Variants in NID2 observed in about 807,000 individuals in gnomAD.
NID2 encodes the protein nidogen-2.
In NID2, 83 loss-of-function variants were observed where a neutral mutation model predicts 145.4. The ratio of observed to expected loss-of-function variants is 0.57; its 90% CI spans 0.48 to 0.69. NID2 has a LOEUF of 0.69. NID2 is among the 30% of genes least tolerant of loss of function. The pLI is 0.00. For missense variants in NID2, 1,807 were observed against 1,765.7 expected (o/e 1.02, Z -0.42); for synonymous variants, 739 against 701.3 (o/e 1.05, Z -0.85).
intron 12 of NID2, among the ~76,000 whole-genome samples, chr14:52,021,348 A>C (rs1891396504): frequency 6.6e-6 from 1 of 152,144 alleles, no homozygotes; most frequent in African/African-American, 2.4e-5. Context: ...TGAAGCCCTA[A>C]ATTTGATGTG....
intron 2 of NID2, among the ~76,000 whole-genome samples, chr14:52,064,097 A>G (rs1245973885): frequency 1.3e-5 from 2 of 152,146 alleles, no homozygotes; most frequent in Admixed American, 1.3e-4. Flanking sequence ...CCTTGTCTCC[A>G]GAAGTCAAAA....
chr14:52,048,663 T>C (rs976372062), intron 5 of NID2, among the ~76,000 whole-genome samples: 3 of 152,170 alleles, frequency 2.0e-5, no homozygotes. Context: ...CTTCTGGCTC[T>C]AAATCCCATC....
At chr14:52,050,614 GACA>G (rs144937912) in intron 5 of NID2, among the ~76,000 whole-genome samples, 3,203 of 152,154 alleles carry the variant, frequency 0.021, 36 homozygotes, top group Middle Eastern at 0.037. Context: ...TACCCTACAG[GACA>G]ACTTTTTTTT....
intron 5 of NID2, among the ~76,000 whole-genome samples, chr14:52,044,231 C>T (rs1049353955): frequency 7.9e-5 from 12 of 151,052 alleles, no homozygotes; most frequent in Non-Finnish European, 1.2e-4. Flanking sequence ...ACACTTCAAT[C>T]GCGCTTAACA....
chr14:52,034,575 G>A (rs1891989573), intron 9 of NID2, among the ~76,000 whole-genome samples: 1 of 152,134 alleles, frequency 6.6e-6, no homozygotes, highest in African/African-American at 2.4e-5. Context: ...AGCACCTCGG[G>A]ATTCTCATTA....
In NID2 at chr14:52,020,178, T is replaced by A; in HGVS notation, c.2675A>T (p.Asp892Val). The A allele has an allele frequency of 6.2e-7, 1 of 1,613,600 alleles. No individual in the cohort carries two copies. Among genetic ancestry groups the A allele is most frequent in the Non-Finnish European group, 8.5e-7 (1 of 1,179,590 alleles). Residue 892 changes from aspartate (D) to valine (V), a missense_variant and splice_region_variant, in exon 13 of 22, where the codon GAT (aspartate) becomes GTT (valine). Physicochemically the swap from Asp to Val is radical, Grantham distance 152 (BLOSUM62 -3). Coordinates refer to ENST00000216286, the MANE Select transcript of NID2 (RefSeq NM_007361.4). The part of the protein sequence containing the change: ...GYAGDGHQCT[D>V]VDECSENRCH... ...TCTGTTTTCTGAGCATTCATCTACATCTGCAGAGGTCAGAAACAGAAGAAA... is the reference window on the plus strand; with the variant it reads ...TCTGTTTTCTGAGCATTCATCTACAACTGCAGAGGTCAGAAACAGAAGAAA...
In NID2 at chr14:52,035,323, C is replaced by T. The variant is rs1247336555; in HGVS notation, c.2257+3424G>A. Among the ~76,000 whole-genome samples the T allele has an allele frequency of 6.6e-5, 10 of 152,314 alleles. No individual in the cohort carries two copies. The South Asian group carries it at 1.9e-3, about 28-fold the overall frequency. ...GCAACCACTGATCTTTTTACTGTCTCTATAGTGTAACCTTTTCCAGAATGT... is the reference window on the plus strand; with the variant it reads ...GCAACCACTGATCTTTTTACTGTCTTTATAGTGTAACCTTTTCCAGAATGT... On this transcript the variant is annotated intron_variant, in intron 9 of 21. Transcript: ENST00000216286.
At chr14:52,007,604 G>C in intron 19 of NID2, 1 of 564,132 alleles carries the variant, frequency 1.8e-6, no homozygotes, top group Middle Eastern at 4.8e-4. Flanking sequence ...CAAACTTACT[G>C]CTTGATATAT....
chr14:52,013,402 C>T (rs184537048), intron 16 of NID2, among the ~76,000 whole-genome samples: 3 of 152,288 alleles, frequency 2.0e-5, no homozygotes, highest in Admixed American at 6.5e-5. Flanking sequence ...CCAACAAACT[C>T]GAATCTTAAA....
intron 9 of NID2, among the ~76,000 whole-genome samples, chr14:52,032,243 A>G: frequency 6.6e-6 from 1 of 152,242 alleles, no homozygotes; most frequent in Non-Finnish European, 1.5e-5. Context: ...TTGGCTGAAA[A>G]TAAGGAGGGC....
chr14:52,035,653 G>A (rs1188809965), intron 9 of NID2, among the ~76,000 whole-genome samples: 1 of 150,894 alleles, frequency 6.6e-6, no homozygotes, highest in East Asian at 2.0e-4. Flanking sequence ...TGGTTTTAGA[G>A]TTTTGTTTCT....
At chr14:52,057,721 A>G (rs113863882) in intron 3 of NID2, among the ~76,000 whole-genome samples, 10,203 of 149,722 alleles carry the variant, frequency 0.068, 424 homozygotes, top group Middle Eastern at 0.13. Context: ...AAAAAAAAAA[A>G]AAAAAAGAAA....
Position 52,049,350 on chromosome 14 carries a change from T to C in NID2, c.1429+4229A>G, listed in dbSNP as rs573797737. Reference sequence around the variant, plus strand: ...AATGGAAAATTCTCCTCTGCACTTGTTCTGAGCCATCTTTCAATCTTCATT... The same window carrying C: ...AATGGAAAATTCTCCTCTGCACTTGCTCTGAGCCATCTTTCAATCTTCATT... On this transcript the variant is annotated intron_variant, in intron 5 of 21. Transcript: ENST00000216286. Among the ~76,000 whole-genome samples the C allele has an allele frequency of 2.3e-4, 35 of 152,300 alleles. No individual in the cohort carries two copies. The South Asian group carries it at 6.6e-3, about 29-fold the overall frequency.
intron 5 of NID2, among the ~76,000 whole-genome samples, chr14:52,045,741 C>T (rs1374418656): frequency 6.6e-6 from 1 of 152,154 alleles, no homozygotes; most frequent in Non-Finnish European, 1.5e-5. Flanking sequence ...TGTAAGGAAG[C>T]AGCTACAGGA....
chr14:52,035,907 C>G (rs1407954816), intron 9 of NID2, among the ~76,000 whole-genome samples: 2 of 57,756 alleles, frequency 3.5e-5, no homozygotes, highest in Non-Finnish European at 8.1e-5. Context: ...CAGGGTTTCA[C>G]CATGTTGGCC....
intron 2 of NID2, among the ~76,000 whole-genome samples, chr14:52,066,195 A>G (rs1339018222): frequency 6.6e-6 from 1 of 152,158 alleles, no homozygotes; most frequent in Non-Finnish European, 1.5e-5. Flanking sequence ...GGACCAGACA[A>G]AAGTTTTAAT....
intron 16 of NID2, chr14:52,012,118 C>T (rs1438649331): frequency 6.5e-6 from 1 of 153,342 alleles, no homozygotes; most frequent in Non-Finnish European, 1.4e-5. Context: ...TAATATTTTA[C>T]TGGGTAAAAA....
intron 11 of NID2, among the ~76,000 whole-genome samples, chr14:52,027,871 G>A (rs1192741295): frequency 1.3e-5 from 2 of 151,854 alleles, no homozygotes; most frequent in African/African-American, 2.4e-5. Flanking sequence ...TTACAGGCGT[G>A]AGCCACCATG....
At chr14:52,068,259 G>A in intron 1 of NID2, 96 bp from the exon 2 acceptor site, 1 of 1,236,218 alleles carries the variant, frequency 8.1e-7, no homozygotes, top group Non-Finnish European at 1.2e-6. Flanking sequence ...TAGGCAAAAA[G>A]CCTCTCTCTC....
Sources: allele counts gnomAD v4.1 joint callset (sites outside exome capture counted in the v4.1 genomes callset), GRCh38; gene constraint gnomAD v4.1.1; transcripts MANE v1.5; gene names NCBI Gene and HGNC (gene_info 2026-07-23, HGNC 2026-07-21).